TANGO6: variants seen among roughly 807,000 people sequenced by gnomAD.
The protein encoded by TANGO6 is transport and golgi organization 6 homolog, also known as transport and Golgi organization protein 6 homolog.
TANGO6 carries 90 observed loss-of-function variants against 114.2 expected under a neutral mutation model. The observed-to-expected ratio is 0.79, with a 90% CI of 0.66 to 0.94. The LOEUF (loss-of-function observed/expected upper bound fraction) is 0.94, where lower values mean the gene tolerates loss of function less well. Ranked by LOEUF, TANGO6 falls within the 40% of genes least tolerant of loss-of-function variation. The pLI is 0.00. For synonymous variants in TANGO6, 477 were observed against 509.8 expected (o/e 0.94, Z 0.87); for missense variants, 1,274 against 1,315.3 (o/e 0.97, Z 0.49).
chr16:68,953,047 TTTTTTA>T (rs977817491), intron 14 of TANGO6, among the ~76,000 whole-genome samples: 16 of 87,152 alleles, frequency 1.8e-4, no homozygotes, highest in African/African-American at 6.3e-4. Flanking sequence ...TCAACAGGTA[TTTTTTA>T]TTATTATTAT....
At chr16:69,056,401 A>G (rs781744434) in intron 17 of TANGO6, among the ~76,000 whole-genome samples, 3 of 152,184 alleles carry the variant, frequency 2.0e-5, no homozygotes, top group African/African-American at 4.8e-5. Flanking sequence ...AGGATTTAGA[A>G]TATTTAATTT....
chr16:68,868,600 C>G (rs1962216940), intron 4 of TANGO6, among the ~76,000 whole-genome samples: 1 of 149,988 alleles, frequency 6.7e-6, no homozygotes, highest in South Asian at 2.1e-4. Context: ...CGGGTTCACT[C>G]CATTCTTCTG....
intron 14 of TANGO6, among the ~76,000 whole-genome samples, chr16:68,958,994 G>A (rs571030834): frequency 6.6e-5 from 10 of 152,270 alleles, no homozygotes; most frequent in Admixed American, 5.2e-4. Flanking sequence ...ATTTTAACCT[G>A]AAGGGTTAAT....
rs1424129341 is a variant in TANGO6, at chr16:69,084,501, T to C, written c.*840T>C. ...GCCTAGACAATGGGTTCACACTGAA[T>C]GCAGGCTGGAAAGAATGCATGCTGG... On this transcript the variant is annotated 3_prime_UTR_variant, in exon 18 of 18. Transcript: ENST00000261778. 6.6e-6 allele frequency: 1 copy of C among 152,374 alleles called. No homozygotes were observed. The highest frequency in any genetic ancestry group is 1.5e-5 in the Non-Finnish European group (1 of 68,050). The allele number at this position is 152,374 out of a possible 1,614,324, so 9.4% of individuals were successfully genotyped here.
intron 13 of TANGO6, among the ~76,000 whole-genome samples, chr16:68,928,640 G>A (rs1304667355): frequency 1.3e-5 from 2 of 152,128 alleles, no homozygotes; most frequent in Admixed American, 6.6e-5. Context: ...GGGCAGTCAG[G>A]AAAAAGAGAA....
In TANGO6 at chr16:68,870,915, G is replaced by A. The variant is rs557881636; in HGVS notation, c.994+3695G>A. Among the ~76,000 whole-genome samples, 3 of 151,336 alleles carry A rather than the reference G, an allele frequency of 2.0e-5. No individual in the cohort carries two copies. In the South Asian group the frequency reaches 6.3e-4, roughly 32 times the overall value. The stretch of plus-strand genomic sequence containing the variant: ...CCTGCTGCAGCCTCCCAAGTAGCTG[G>A]GATTACAGGTGCCAGCCACCACGCC... On this transcript the variant is annotated intron_variant, in intron 4 of 17. Transcript: ENST00000261778.
At chr16:69,046,422 G>A (rs938410930) in intron 17 of TANGO6, among the ~76,000 whole-genome samples, 15 of 151,838 alleles carry the variant, frequency 9.9e-5, no homozygotes, top group African/African-American at 1.9e-4. Context: ...CTATTCAAGC[G>A]ATTCTTCCAC....
intron 17 of TANGO6, among the ~76,000 whole-genome samples, chr16:69,054,085 T>C (rs1597073543): frequency 1.3e-5 from 2 of 151,888 alleles, no homozygotes; most frequent in East Asian, 3.9e-4. Flanking sequence ...AAAAAGAATC[T>C]TGGTCTCCCA....
At chr16:68,962,329 AG>A (rs1963601155) in intron 14 of TANGO6, among the ~76,000 whole-genome samples, 1 of 152,184 alleles carries the variant, frequency 6.6e-6, no homozygotes, top group African/African-American at 2.4e-5. Context: ...GATGCAAGAG[AG>A]GCCAATCAGA....
chr16:68,929,492 T>C (rs1172580378), intron 13 of TANGO6, among the ~76,000 whole-genome samples: 3 of 152,218 alleles, frequency 2.0e-5, no homozygotes, highest in African/African-American at 7.2e-5. Flanking sequence ...CCGTACATAC[T>C]TCACATGTAG....
intron 15 of TANGO6, among the ~76,000 whole-genome samples, chr16:69,013,766 C>A (rs564770914): frequency 1.3e-5 from 2 of 151,232 alleles, no homozygotes; most frequent in Admixed American, 1.3e-4. Context: ...AAGCAATTCT[C>A]GTGCCTCAGC....
At chr16:68,943,314 G>A (rs970239478) in intron 14 of TANGO6, among the ~76,000 whole-genome samples, 48 of 148,770 alleles carry the variant, frequency 3.2e-4, no homozygotes, top group African/African-American at 9.6e-4. Flanking sequence ...TGTCACCCAG[G>A]CTGGAATGCA....
chr16:68,877,647 G>A (rs112655666), intron 5 of TANGO6, among the ~76,000 whole-genome samples: 14,955 of 151,084 alleles, frequency 0.099, 836 homozygotes, highest in Non-Finnish European at 0.13. Flanking sequence ...TCGCTCTGTC[G>A]CCCAGGCTGG....
rs1232460148 is a variant in TANGO6 at position 68,964,505 on chromosome 16, T to C, written c.2702-9523T>C. Among the ~76,000 whole-genome samples the C allele has an allele frequency of 3.3e-5, 5 of 152,066 alleles. No homozygotes were observed. The South Asian group carries it at 8.3e-4, about 25-fold the overall frequency. ...AATAGAGACGATTTTGCATCTTGCTTTTTACTTAACAATAGCTCTTAGAAT... is the reference window on the plus strand; with the variant it reads ...AATAGAGACGATTTTGCATCTTGCTCTTTACTTAACAATAGCTCTTAGAAT... On this transcript the variant is annotated intron_variant, in intron 14 of 17. Coordinates refer to ENST00000261778, the MANE Select transcript of TANGO6 (RefSeq NM_024562.2).
In TANGO6 at chr16:69,083,621, C is replaced by G; in HGVS notation, c.3245C>G (p.Pro1082Arg). The change falls in exon 18 of 18, where the codon CCT becomes CGT. Residue 1082 changes from proline to arginine, a missense_variant. Pro to Arg is a moderately radical substitution (Grantham distance 103, BLOSUM62 -2). Around this residue, in one of 5 missense-constraint regions of TANGO6, gnomAD observed 238 missense variants for 252.9 expected, o/e 0.94. Coordinates refer to ENST00000261778, the MANE Select transcript of TANGO6 (RefSeq NM_024562.2). ...GACATCATGAAAAACTTCCTGTTCC[C>G]TCCACAGAAGCTGGAGAAGAAGATC... ...LDDIMKNFLF[P>R]PQKLEKKIMV... 2.5e-6 allele frequency: 4 copies of G among 1,576,734 alleles called. No individual in the cohort carries two copies. The highest frequency in any genetic ancestry group is 3.4e-6 in the Non-Finnish European group (4 of 1,161,048).
intron 14 of TANGO6, among the ~76,000 whole-genome samples, chr16:68,966,072 A>T (rs1963642333): frequency 6.6e-6 from 1 of 151,992 alleles, no homozygotes. Context: ...TCTCCACAAA[A>T]AATAAACAAA....
Position 68,914,281 on chromosome 16 carries a change from C to A in TANGO6, c.1993-4804C>A, listed in dbSNP as rs1463899917. Among the ~76,000 whole-genome samples the A allele has an allele frequency of 3.3e-5, 5 of 152,300 alleles. No individual in the cohort carries two copies. In the South Asian group the frequency reaches 8.3e-4, roughly 25 times the overall value. On this transcript the variant is annotated intron_variant, in intron 11 of 17. Transcript: ENST00000261778. ...GGTTCAAGCGATTTTCCTGCCTCAG[C>A]CTCCAGAGTAGCTGGGATTACAGGT...
intron 14 of TANGO6, among the ~76,000 whole-genome samples, chr16:68,932,628 ACAC>A (rs1385750596): frequency 2.0e-5 from 3 of 151,998 alleles, no homozygotes; most frequent in Non-Finnish European, 4.4e-5. Context: ...CTACAAAAAA[ACAC>A]CAAAAAAAGT....
chr16:68,860,094 T>C lies in TANGO6; in HGVS notation c.305T>C (p.Leu102Pro). The change falls in exon 2 of 18, where the codon CTT becomes CCT. Residue 102 changes from leucine to proline, a missense_variant. Physicochemically the swap from Leu to Pro is moderately conservative, Grantham distance 98. This residue lies in a region of TANGO6 where 4 missense variants were observed against 17.8 expected (regional missense o/e 0.23). Coordinates refer to ENST00000261778, the MANE Select transcript of TANGO6 (RefSeq NM_024562.2). ...TTTACCTCTCAAACCTTGTTGTTGC[T>C]TTTGTGCTTGAAGGAAACCATGATC... is the stretch of plus-strand genomic sequence containing the variant. The part of the protein sequence containing the change: ...WSFTSQTLLL[L>P]LCLKETMIRL... The C allele has an allele frequency of 1.2e-6, 2 of 1,614,014 alleles. No homozygotes were observed. The highest frequency in any genetic ancestry group is 1.7e-6 in the Non-Finnish European group (2 of 1,179,906).
Sources: allele counts gnomAD v4.1 joint callset (sites outside exome capture counted in the v4.1 genomes callset), GRCh38; gene constraint gnomAD v4.1.1; regional missense constraint gnomAD v4.1.1; transcripts MANE v1.5; gene names NCBI Gene and HGNC (gene_info 2026-07-23, HGNC 2026-07-21).